The following ZNF385D variants were observed in gnomAD, a reference collection of about 807,000 sequenced individuals.
ZNF385D encodes zinc finger protein 659.
In ZNF385D, 15 loss-of-function variants were observed where a neutral mutation model predicts 35.8. The ratio of observed to expected loss-of-function variants is 0.42; its 90% CI spans 0.28 to 0.64. ZNF385D has a LOEUF of 0.64. Among genes scored for constraint, ZNF385D ranks in the 30% least tolerant of loss-of-function variants. The pLI is 0.23. For missense variants in ZNF385D, 474 were observed against 494.6 expected, an observed-to-expected ratio of 0.96 and a Z score of 0.39; for synonymous variants, 212 against 186.8, an observed-to-expected ratio of 1.13 and a Z score of -1.10.
chr3:22,235,610 C>T (rs1341878628), intron 2 of ZNF385D, among the ~76,000 whole-genome samples: 1 of 151,938 alleles, frequency 6.6e-6, no homozygotes, highest in Admixed American at 6.6e-5. Context: ...GTAAAAAGGT[C>T]AAATGATCTG....
At chr3:22,197,352 A>G (rs1048665722) in intron 2 of ZNF385D, among the ~76,000 whole-genome samples, 2 of 151,804 alleles carry the variant, frequency 1.3e-5, no homozygotes, top group African/African-American at 4.8e-5. Context: ...TATCTCTAAT[A>G]TTTTTCCTGT....
chr3:21,625,262 C>T (rs1050419177), intron 2 of ZNF385D, among the ~76,000 whole-genome samples: 7 of 152,034 alleles, frequency 4.6e-5, no homozygotes, highest in Admixed American at 1.3e-4. Context: ...TTTTCAGATG[C>T]AGGCATTTTA....
At chr3:22,266,424 G>C (rs1210870477) in intron 2 of ZNF385D, among the ~76,000 whole-genome samples, 4 of 151,880 alleles carry the variant, frequency 2.6e-5, no homozygotes, top group Admixed American at 2.6e-4. Context: ...GGTAAGAAGA[G>C]GTGTAGGGAT....
At chr3:21,959,177 G>A (rs576458235) in intron 3 of ZNF385D, among the ~76,000 whole-genome samples, 5 of 152,304 alleles carry the variant, frequency 3.3e-5, no homozygotes, top group African/African-American at 1.2e-4. Context: ...ATACAGCAAT[G>A]TGAGAATCTT....
chr3:21,936,050 G>T (rs1251472999), intron 3 of ZNF385D, among the ~76,000 whole-genome samples: 1 of 152,054 alleles, frequency 6.6e-6, no homozygotes, highest in Non-Finnish European at 1.5e-5. Flanking sequence ...GGTGCTGAAT[G>T]AATTGGAGTA....
intron 3 of ZNF385D, among the ~76,000 whole-genome samples, chr3:22,073,869 C>G (rs915575822): frequency 2.0e-5 from 3 of 151,832 alleles, no homozygotes; most frequent in African/African-American, 4.8e-5. Context: ...TATAAAACAG[C>G]CTTTACGATT....
At chr3:22,023,550 CT>C (rs951672681) in intron 3 of ZNF385D, among the ~76,000 whole-genome samples, 2 of 152,088 alleles carry the variant, frequency 1.3e-5, no homozygotes, top group African/African-American at 4.8e-5. Context: ...CTTCTTCCCT[CT>C]GCACATTTAG....
At chr3:22,205,950 A>G (rs1314437500) in intron 2 of ZNF385D, among the ~76,000 whole-genome samples, 1 of 151,962 alleles carries the variant, frequency 6.6e-6, no homozygotes, top group Non-Finnish European at 1.5e-5. Flanking sequence ...TTCCCCATCA[A>G]AAGACATAGA....
chr3:21,696,048 T>C (rs181267241), intron 1 of ZNF385D, among the ~76,000 whole-genome samples: 44 of 152,248 alleles, frequency 2.9e-4, no homozygotes, highest in African/African-American at 1.1e-3. Context: ...TCCAGATCGG[T>C]AAATCATTTT....
In ZNF385D at chr3:21,539,015, G is replaced by T. The variant is rs1302476565; in HGVS notation, c.276+25559C>A. 6.6e-6 allele frequency among the ~76,000 whole-genome samples: 1 copy of T among 152,054 alleles called. No individual in the cohort carries two copies. The highest frequency in any genetic ancestry group is 2.4e-5 in the African/African-American group (1 of 41,430). ...GGGCTAAAATGACAAGTTCCTTGTG[G>T]TAAACCATTTGACTAGTCTCTCTGG... is the stretch of plus-strand genomic sequence containing the variant. On this transcript the variant is annotated intron_variant, in intron 3 of 7. Transcript: ENST00000281523. This position sits in a 1 kb window ranked among gnomAD's most constrained non-coding sequence, Gnocchi z 4.0.
At chr3:22,077,552 G>T (rs934665690) in intron 3 of ZNF385D, among the ~76,000 whole-genome samples, 1 of 151,846 alleles carries the variant, frequency 6.6e-6, no homozygotes, top group African/African-American at 2.4e-5. Flanking sequence ...GCCCACTAAG[G>T]GTGAGGTTCT....
intron 1 of ZNF385D, among the ~76,000 whole-genome samples, chr3:21,730,081 T>C (rs967632664): frequency 1.3e-5 from 2 of 152,320 alleles, no homozygotes; most frequent in Non-Finnish European, 1.5e-5. Flanking sequence ...CATTATCTCA[T>C]TTAAGAACAA....
At chr3:21,990,893 C>G (rs975025178) in intron 3 of ZNF385D, among the ~76,000 whole-genome samples, 31 of 152,178 alleles carry the variant, frequency 2.0e-4, no homozygotes, top group African/African-American at 7.5e-4. Flanking sequence ...CTGGCAATAA[C>G]TCACATTTAA....
At chr3:21,619,669 A>C (rs777518143) in intron 2 of ZNF385D, among the ~76,000 whole-genome samples, 1 of 152,108 alleles carries the variant, frequency 6.6e-6, no homozygotes, top group Non-Finnish European at 1.5e-5. Flanking sequence ...AATGGTGGTA[A>C]GAGTTGTAAA....
intron 3 of ZNF385D, among the ~76,000 whole-genome samples, chr3:22,072,425 A>G (rs567400329): frequency 6.6e-6 from 1 of 152,228 alleles, no homozygotes; most frequent in African/African-American, 2.4e-5. Context: ...AGCAGAATGA[A>G]GCACTCTCTA....
At chr3:21,532,300 A>G (rs2061943611) in intron 3 of ZNF385D, among the ~76,000 whole-genome samples, 1 of 152,166 alleles carries the variant, frequency 6.6e-6, no homozygotes, top group South Asian at 2.1e-4. Context: ...GGACTTCTTC[A>G]TTGTTACATA....
chr3:22,105,016 A>G (rs1310504700), intron 3 of ZNF385D, among the ~76,000 whole-genome samples: 1 of 152,152 alleles, frequency 6.6e-6, no homozygotes, highest in Non-Finnish European at 1.5e-5. Flanking sequence ...GAAGATTAAA[A>G]CTGCTAACAT....
At chr3:21,830,806 A>G (rs1363781886) in intron 3 of ZNF385D, among the ~76,000 whole-genome samples, 2 of 152,208 alleles carry the variant, frequency 1.3e-5, no homozygotes, top group African/African-American at 2.4e-5. Context: ...GAAAATAAGC[A>G]TGTCCATGTT....
intron 2 of ZNF385D, among the ~76,000 whole-genome samples, chr3:22,353,588 C>CCTT (rs1559536970): frequency 1.3e-5 from 2 of 152,130 alleles, no homozygotes; most frequent in African/African-American, 4.8e-5. Context: ...CACTATCCCC[C>CCTT]CTTCCTTGTT....
Sources: gnomAD v4.1 joint callset for allele counts (sites outside exome capture counted in the v4.1 genomes callset) on GRCh38, gnomAD v4.1.1 for gene constraint, Gnocchi (gnomAD v3.1) non-coding constraint, MANE v1.5 for transcripts, NCBI Gene and HGNC (gene_info 2026-07-23, HGNC 2026-07-21) for gene names.